The following TRAPPC6B variants were observed in gnomAD, a reference collection of about 807,000 sequenced individuals.
TRAPPC6B encodes TRAPP complex subunit 6B.
In TRAPPC6B, 27 loss-of-function variants were observed where a neutral mutation model predicts 24.7. The observed-to-expected ratio is 1.09, with a 90% CI of 0.81 to 1.51. The LOEUF (loss-of-function observed/expected upper bound fraction) is 1.51, where lower values mean the gene tolerates loss of function less well. Ranked by LOEUF, TRAPPC6B falls within the 40% of genes most tolerant of loss-of-function variation. TRAPPC6B has a pLI of 0.00. For missense variants in TRAPPC6B, 212 were observed against 190.8 expected (o/e 1.11, Z -0.66); for synonymous variants, 80 against 66.6 (o/e 1.20, Z -0.98).
chr14:39,161,764 A>T (rs534672393), intron 1 of TRAPPC6B, among the ~76,000 whole-genome samples: 4 of 152,146 alleles, frequency 2.6e-5, no homozygotes, highest in African/African-American at 7.2e-5. Context: ...CTCCTGCAGC[A>T]CCCCAATGAC....
Position 39,150,293 on chromosome 14 carries a change from C to T in TRAPPC6B, c.*57G>A. 7.0e-7 allele frequency: 1 copy of T among 1,423,238 alleles called. No homozygotes were observed. Among genetic ancestry groups the T allele is most frequent in the Non-Finnish European group, 9.7e-7 (1 of 1,035,156 alleles). The allele number at this position is 1,423,238 out of a possible 1,614,324, so 88.2% of individuals were successfully genotyped here. On this transcript the variant is annotated 3_prime_UTR_variant, in exon 6 of 6. Coordinates refer to ENST00000330149, the MANE Select transcript of TRAPPC6B (RefSeq NM_001079537.2). ...AATTAAATCATCACTACTTGAAATACTTTTACATGAATAATTTATCTCTTT... is the reference window on the plus strand; with the variant it reads ...AATTAAATCATCACTACTTGAAATATTTTTACATGAATAATTTATCTCTTT...
intron 1 of TRAPPC6B, among the ~76,000 whole-genome samples, chr14:39,168,770 T>G (rs2053134808): frequency 6.6e-6 from 1 of 152,214 alleles, no homozygotes; most frequent in African/African-American, 2.4e-5. Context: ...TATCTCCTTT[T>G]CTCACTATCC....
chr14:39,154,137 G>C, intron 4 of TRAPPC6B, 74 bp downstream of exon 4: 1 of 873,330 alleles, frequency 1.1e-6, no homozygotes, highest in South Asian at 1.5e-5. Context: ...TCAATAGTTT[G>C]TTATGATTAG....
intron 5 of TRAPPC6B, 47 bp downstream of exon 5, chr14:39,151,699 G>T: frequency 7.2e-7 from 1 of 1,392,292 alleles, no homozygotes; most frequent in Non-Finnish European, 9.9e-7. Context: ...AAACAGACCT[G>T]AAAACAAATT....
chr14:39,169,527 C>A lies in TRAPPC6B; in HGVS notation c.81+488G>T, dbSNP rs181724189. 1.7e-3 allele frequency among the ~76,000 whole-genome samples: 252 copies of A among 152,222 alleles called. 5 individuals carry two copies. The highest frequency in any genetic ancestry group is 0.016 in the Admixed American group (243 of 15,284). Reference sequence around the variant, plus strand: ...AAATTATGTTCCCTAATTATCCTAACGCCTGCAAACTTTCCTTTGCAAACT... The same window carrying A: ...AAATTATGTTCCCTAATTATCCTAAAGCCTGCAAACTTTCCTTTGCAAACT... On this transcript the variant is annotated intron_variant, in intron 1 of 5. Transcript: ENST00000330149.
At chr14:39,152,975 A>G (rs188995290) in intron 4 of TRAPPC6B, among the ~76,000 whole-genome samples, 1 of 152,316 alleles carries the variant, frequency 6.6e-6, no homozygotes, top group East Asian at 1.9e-4. Flanking sequence ...CACGTCTGTA[A>G]TCCCAGCACT....
Position 39,170,321 on chromosome 14 carries a change from C to A in TRAPPC6B, c.-226G>T, listed in dbSNP as rs1417353279. The A allele has an allele frequency of 5.4e-6, 3 of 553,782 alleles. No homozygotes were observed. Among genetic ancestry groups the A allele is most frequent in the Non-Finnish European group, 3.2e-6 (1 of 315,020 alleles). The allele number at this position is 553,782 out of a possible 1,614,324, so 34.3% of individuals were successfully genotyped here. ...CTTCGGGGCTACCAAATCCTAGGGC[C>A]GAACTAAAGTCTGACGGGAGCTCTA... On this transcript the variant is annotated 5_prime_UTR_variant, in exon 1 of 6. Coordinates refer to ENST00000330149, the MANE Select transcript of TRAPPC6B (RefSeq NM_001079537.2).
intron 1 of TRAPPC6B, among the ~76,000 whole-genome samples, chr14:39,165,004 T>C (rs1477120538): frequency 6.6e-6 from 1 of 152,092 alleles, no homozygotes; most frequent in Non-Finnish European, 1.5e-5. Context: ...TGTTCTCTTC[T>C]GTCTCCCTGC....
intron 3 of TRAPPC6B, chr14:39,157,717 G>A (rs553173427): frequency 8.6e-5 from 20 of 232,306 alleles, no homozygotes; most frequent in African/African-American, 4.6e-4. Context: ...TCAGCTGGTG[G>A]AAGCTATCAG....
intron 3 of TRAPPC6B, among the ~76,000 whole-genome samples, chr14:39,155,534 C>T (rs183840278): frequency 1.1e-3 from 168 of 150,118 alleles, no homozygotes; most frequent in African/African-American, 3.8e-3. Flanking sequence ...AGCCACCGCA[C>T]CCGGATTTAT....
chr14:39,152,015 C>G (rs2052921312), intron 4 of TRAPPC6B, among the ~76,000 whole-genome samples, 176 bp from the exon 5 acceptor site: 1 of 152,120 alleles, frequency 6.6e-6, no homozygotes, highest in South Asian at 2.1e-4. Context: ...TCCCTGGAAA[C>G]TAAAGCATGG....
chr14:39,157,561 G>A (rs911407791), intron 3 of TRAPPC6B: 6 of 391,116 alleles, frequency 1.5e-5, no homozygotes, highest in South Asian at 3.9e-5. Flanking sequence ...CGAGGTGGCT[G>A]TCTTCCTGCC....
At chr14:39,164,242 G>A (rs1018482384) in intron 1 of TRAPPC6B, among the ~76,000 whole-genome samples, 1 of 152,144 alleles carries the variant, frequency 6.6e-6, no homozygotes, top group Admixed American at 6.6e-5. Flanking sequence ...ACGCCTCCTA[G>A]CATTTTGGGA....
Position 39,158,271 on chromosome 14 carries a change from A to G in TRAPPC6B, c.267+14T>C. ...AAAGGACTTTAAAATATAGGCCTTA[A>G]TTAATTTAATTACCTGATGATTTGT... is the stretch of plus-strand genomic sequence containing the variant. On this transcript the variant is annotated intron_variant, in intron 3 of 5. Coordinates refer to ENST00000330149, the MANE Select transcript of TRAPPC6B (RefSeq NM_001079537.2). 1 of 1,405,586 alleles carries G rather than the reference A, an allele frequency of 7.1e-7. No homozygotes were observed. Among genetic ancestry groups the G allele is most frequent in the Non-Finnish European group, 9.8e-7 (1 of 1,015,844 alleles). 87.1% of individuals were successfully genotyped at this position (1,405,586 alleles called of 1,614,324 possible). A position where few individuals can be genotyped will look rare whatever the true frequency, so the allele number is the denominator to read the frequency against.
chr14:39,168,213 T>C (rs71407780), intron 1 of TRAPPC6B, among the ~76,000 whole-genome samples: 1 of 83,026 alleles, frequency 1.2e-5, no homozygotes, highest in African/African-American at 4.8e-5. Context: ...CAAAACTCCA[T>C]CTAAAAAAAA....
intron 3 of TRAPPC6B, 46 bp downstream of exon 3, chr14:39,158,239 T>A (rs766390539): frequency 9.8e-7 from 1 of 1,018,344 alleles, no homozygotes; most frequent in South Asian, 1.5e-5. Context: ...GATATTTATA[T>A]CAAGTTAAAG....
intron 4 of TRAPPC6B, among the ~76,000 whole-genome samples, chr14:39,153,593 T>C (rs116585928): frequency 0.014 from 2,092 of 146,604 alleles, 57 homozygotes; most frequent in African/African-American, 0.049. Flanking sequence ...ATTGTACCAC[T>C]ACACTCCAGC....
At chr14:39,152,930 G>A (rs1423580369) in intron 4 of TRAPPC6B, among the ~76,000 whole-genome samples, 1 of 152,024 alleles carries the variant, frequency 6.6e-6, no homozygotes, top group Non-Finnish European at 1.5e-5. Flanking sequence ...ACTTTGGGAG[G>A]CTGTAATCCC....
At chr14:39,160,762 C>T (rs1199449724) in intron 1 of TRAPPC6B, among the ~76,000 whole-genome samples, 1 of 152,136 alleles carries the variant, frequency 6.6e-6, no homozygotes, top group East Asian at 1.9e-4. Context: ...CCAACCACAA[C>T]ACAATGAAAA....
Sources: allele counts gnomAD v4.1 joint callset (sites outside exome capture counted in the v4.1 genomes callset), GRCh38; gene constraint gnomAD v4.1.1; transcripts MANE v1.5; gene names NCBI Gene and HGNC (gene_info 2026-07-23, HGNC 2026-07-21).